The following YTHDC1 variants were observed in gnomAD, a reference collection of about 807,000 sequenced individuals.
The protein encoded by YTHDC1 is YTH N6-methyladenosine RNA binding protein C1.
Under a neutral mutation model 107.0 loss-of-function variants are expected in YTHDC1, and 12 were observed. The observed-to-expected ratio is 0.11, with a 90% CI of 0.07 to 0.18. The LOEUF is 0.18. YTHDC1 is among the 10% of genes least tolerant of loss of function. The pLI is 1.00. For synonymous variants in YTHDC1, 280 were observed against 289.5 expected, an observed-to-expected ratio of 0.97 and a Z score of 0.33; for missense variants, 635 against 898.8, an observed-to-expected ratio of 0.71 and a Z score of 3.75.
rs374470146 is a variant in YTHDC1 at position 68,337,845 on chromosome 4, A to C, written c.186T>G (p.Pro62=). ...AAACCAGTTGTCTAGAATGGACAGA[A>C]GGCTTTTGTCGTTTGGTATCAGTAG... The part of the protein sequence containing the change: ...MESTDTKRQK[P]SVHSRQLVSK... Residue 62 remains proline, a synonymous_variant, in exon 3 of 17, where the codon CCT becomes CCG. Transcript: ENST00000344157. The C allele has an allele frequency of 1.7e-5, 28 of 1,613,828 alleles. No homozygotes were observed. The highest frequency in any genetic ancestry group is 2.4e-5 in the Non-Finnish European group (28 of 1,180,018).
At chr4:68,333,663 G>A (rs1723835706) in intron 4 of YTHDC1, among the ~76,000 whole-genome samples, 1 of 152,052 alleles carries the variant, frequency 6.6e-6, no homozygotes, top group Non-Finnish European at 1.5e-5. Context: ...GCCATATATA[G>A]GTGGCCTTGA....
intron 7 of YTHDC1, 80 bp from the exon 8 acceptor site, chr4:68,330,390 A>G (rs981723169): frequency 1.0e-6 from 1 of 979,098 alleles, no homozygotes; most frequent in African/African-American, 1.6e-5. Context: ...AAAAAAAACT[A>G]CATATTTTGG....
At position 68,337,553 on chromosome 4, in the gene YTHDC1, C is replaced by T. The variant is rs1277481262; in HGVS notation, c.459+19G>A. The T allele has an allele frequency of 6.3e-7, 1 of 1,587,746 alleles. No homozygotes were observed. The highest frequency in any genetic ancestry group is 1.9e-5 in the Admixed American group (1 of 53,350). On this transcript the variant is annotated intron_variant, in intron 3 of 16. Coordinates refer to ENST00000344157, the MANE Select transcript of YTHDC1 (RefSeq NM_001031732.4). ...AAAAGAATGGCTTTCTGTTTTATAT[C>T]TGCAATAATATTTACTACCTCAGAA...
At chr4:68,323,056 C>A in intron 10 of YTHDC1, 141 bp from the exon 11 acceptor site, 1 of 705,920 alleles carries the variant, frequency 1.4e-6, no homozygotes, top group Non-Finnish European at 2.2e-6. Flanking sequence ...AATAAGACTT[C>A]CAGATTTATA....
At chr4:68,320,080 A>C (rs1332408339) in intron 12 of YTHDC1, 43 bp downstream of exon 12, 1 of 1,510,258 alleles carries the variant, frequency 6.6e-7, no homozygotes, top group African/African-American at 1.4e-5. Flanking sequence ...ATTTTTTTCC[A>C]ATAATTTGAA....
Position 68,349,811 on chromosome 4 carries a change from C to G in YTHDC1, c.-58G>C. 1 of 1,609,956 alleles carries G rather than the reference C, an allele frequency of 6.2e-7. No homozygotes were observed. On this transcript the variant is annotated 5_prime_UTR_variant, in exon 1 of 17. Transcript: ENST00000344157. ...CGCCGCCGCTTAGACGCGACTCGCG[C>G]GGGCGCCGCAGCCGCGGCAGAAGCA... is the stretch of plus-strand genomic sequence containing the variant.
intron 9 of YTHDC1, among the ~76,000 whole-genome samples, chr4:68,329,456 T>C (rs895065435): frequency 1.3e-5 from 2 of 152,222 alleles, no homozygotes; most frequent in African/African-American, 4.8e-5. Flanking sequence ...CATTTGTGTA[T>C]GCCACGTAAA....
intron 1 of YTHDC1, among the ~76,000 whole-genome samples, chr4:68,342,726 AC>A (rs1310090477): frequency 6.6e-6 from 1 of 152,202 alleles, no homozygotes; most frequent in Non-Finnish European, 1.5e-5. Context: ...CACTTTGCAT[AC>A]ATTTTAATTC....
Position 68,319,303 on chromosome 4 carries a change from A to G in YTHDC1, c.1685-441T>C, listed in dbSNP as rs576111125. ...AAATGTAAACTTAAGGGGGAGGGGGAAAAAATTGCAAAAGTTGCAAAAATG... is the reference window on the plus strand; with the variant it reads ...AAATGTAAACTTAAGGGGGAGGGGGGAAAAATTGCAAAAGTTGCAAAAATG... On this transcript the variant is annotated intron_variant, in intron 12 of 16. Coordinates refer to ENST00000344157, the MANE Select transcript of YTHDC1 (RefSeq NM_001031732.4). Among the ~76,000 whole-genome samples, 408 of 152,258 alleles carry G rather than the reference A, an allele frequency of 2.7e-3. 2 individuals are homozygous for G. The highest frequency in any genetic ancestry group is 9.2e-3 in the African/African-American group (383 of 41,560).
rs114975517 is a variant in YTHDC1, at chr4:68,317,665, T to C, written c.1824+854A>G. 3.1e-3 allele frequency among the ~76,000 whole-genome samples: 473 copies of C among 152,268 alleles called. 2 individuals carry two copies. Among genetic ancestry groups the C allele is most frequent in the African/African-American group, 0.011 (449 of 41,544 alleles). Reference sequence around the variant, plus strand: ...TATTTTACACAGAAAATTTAGTGAGTATTAGATCAGGCACTATGCTAAACT... The same window carrying C: ...TATTTTACACAGAAAATTTAGTGAGCATTAGATCAGGCACTATGCTAAACT... On this transcript the variant is annotated intron_variant, in intron 15 of 16. Coordinates refer to ENST00000344157, the MANE Select transcript of YTHDC1 (RefSeq NM_001031732.4).
Position 68,314,240 on chromosome 4 carries a change from T to C in YTHDC1, c.2043A>G (p.Arg681=). 1 of 1,614,074 alleles carries C rather than the reference T, an allele frequency of 6.2e-7. No individual in the cohort carries two copies. Among genetic ancestry groups the C allele is most frequent in the Admixed American group, 1.7e-5 (1 of 59,996 alleles). The change falls in exon 17 of 17, where the codon AGA becomes AGG. Residue 681 remains arginine (R), a synonymous_variant. Transcript: ENST00000344157. ...GGCGGTCTCGCTCTCGTTCCCGGTCTCTTTCACGGGGTCTACTTCTCCGGC... is the reference window on the plus strand; with the variant it reads ...GGCGGTCTCGCTCTCGTTCCCGGTCCCTTTCACGGGGTCTACTTCTCCGGC... ...VSGRRSRPRE[R]DRERERDRPR... is the part of the protein sequence containing the mutation.
chr4:68,337,414 A>T lies in YTHDC1; in HGVS notation c.496T>A (p.Ser166Thr), dbSNP rs1414696010. ...GLEVDRRASR[S>T]SQSSKEEVNS... ...ACTTCTTCCTTAGAAGACTGGCTGG[A>T]TCTGCTTGCACGTCTATCCACTTCA... Residue 166 changes from serine (S) to threonine (T), a missense_variant, in exon 4 of 17, where the codon TCC becomes ACC. Ser to Thr is a moderately conservative substitution (Grantham distance 58). Transcript: ENST00000344157. 6.2e-7 allele frequency: 1 copy of T among 1,614,024 alleles called. No homozygotes were observed. The highest frequency in any genetic ancestry group is 8.5e-7 in the Non-Finnish European group (1 of 1,180,022).
chr4:68,321,167 A>C (rs530116671), intron 11 of YTHDC1, among the ~76,000 whole-genome samples: 2 of 152,330 alleles, frequency 1.3e-5, no homozygotes, highest in Non-Finnish European at 2.9e-5. Flanking sequence ...TTAATGTCAA[A>C]TAAAAACTTG....
chr4:68,318,374 C>T (rs571529501), intron 15 of YTHDC1, 145 bp downstream of exon 15: 19 of 736,912 alleles, frequency 2.6e-5, no homozygotes, highest in Middle Eastern at 4.0e-4. Flanking sequence ...TCCCAAAGTG[C>T]TGGGACTGCA....
At position 68,312,927 on chromosome 4, in the gene YTHDC1, C is replaced by G. The variant is rs532521271; in HGVS notation, c.*1172G>C. 5 of 152,266 alleles carry G rather than the reference C, an allele frequency of 3.3e-5. No individual in the cohort carries two copies. Among genetic ancestry groups the G allele is most frequent in the African/African-American group, 1.2e-4 (5 of 41,554 alleles). 9.4% of individuals were successfully genotyped at this position (152,266 alleles called of 1,614,324 possible). On this transcript the variant is annotated 3_prime_UTR_variant, in exon 17 of 17. Coordinates refer to ENST00000344157, the MANE Select transcript of YTHDC1 (RefSeq NM_001031732.4). Reference sequence around the variant, plus strand: ...TTATAGTTGGTTACCACTGGGAGAACTGGACAGTTAACTTAAAATACAGAA... The same window carrying G: ...TTATAGTTGGTTACCACTGGGAGAAGTGGACAGTTAACTTAAAATACAGAA...
At chr4:68,349,555 C>T (rs1236869617) in intron 1 of YTHDC1, among the ~76,000 whole-genome samples, 171 bp downstream of exon 1, 1 of 151,944 alleles carries the variant, frequency 6.6e-6, no homozygotes, top group African/African-American at 2.4e-5. Flanking sequence ...GACGAAAGGG[C>T]AGGCCTGGTC....
Position 68,337,208 on chromosome 4 carries a change from T to TTCC in YTHDC1, c.699_701dup (p.Glu249dup), listed in dbSNP as rs566379464. On this transcript the variant is annotated inframe_insertion, in exon 4 of 17. Coordinates refer to ENST00000344157, the MANE Select transcript of YTHDC1 (RefSeq NM_001031732.4). ...CCTCCTCCTCTTCCTCCTCCTCCTC[T>TTCC]TCCTCCTCCTCCTCTCCATCTTCAT... 1.8e-5 allele frequency: 28 copies of TTCC among 1,589,486 alleles called. No homozygotes were observed. Among genetic ancestry groups the TTCC allele is most frequent in the Admixed American group, 6.7e-5 (4 of 59,596 alleles).
chr4:68,330,114 C>A lies in YTHDC1; in HGVS notation c.1237G>T (p.Ala413Ser). The stretch of plus-strand genomic sequence containing the variant: ...TGATGTGATTCTGAAGAAAGTCTTG[C>A]AAACCCTAAGAGAATCATATCATAA... ...VRESGKFQGF[A>S]RLSSESHHGG... The change falls in exon 9 of 17, where the codon GCA becomes TCA. Residue 413 changes from alanine (A) to serine (S), a missense_variant. Ala to Ser is a moderately conservative substitution (Grantham distance 99). This residue lies in a region of YTHDC1 where 60 missense variants were observed against 172.0 expected (regional missense o/e 0.35). Coordinates refer to ENST00000344157, the MANE Select transcript of YTHDC1 (RefSeq NM_001031732.4). The A allele has an allele frequency of 6.2e-7, 1 of 1,612,316 alleles. No homozygotes were observed.
At position 68,311,941 on chromosome 4, in the gene YTHDC1, G is replaced by GT. The variant is rs1201638133; in HGVS notation, c.*2157dup. The GT allele has an allele frequency of 6.6e-6, 1 of 152,126 alleles. No individual in the cohort carries two copies. Among genetic ancestry groups the GT allele is most frequent in the Non-Finnish European group, 1.5e-5 (1 of 68,042 alleles). 9.4% of individuals were successfully genotyped at this position (152,126 alleles called of 1,614,324 possible). A position where few individuals can be genotyped will look rare whatever the true frequency, so the allele number is the denominator to read the frequency against. ...GGCAGGTGAGGTCACTTGAGGTCGAGTTTGAGACCAGCCTGGCCAACATGT... is the reference window on the plus strand; with the variant it reads ...GGCAGGTGAGGTCACTTGAGGTCGAGTTTTGAGACCAGCCTGGCCAACATGT... On this transcript the variant is annotated 3_prime_UTR_variant, in exon 17 of 17. Transcript: ENST00000344157.
Sources: allele counts gnomAD v4.1 joint callset (sites outside exome capture counted in the v4.1 genomes callset), GRCh38; gene constraint gnomAD v4.1.1; regional missense constraint gnomAD v4.1.1; transcripts MANE v1.5; gene names NCBI Gene and HGNC (gene_info 2026-07-23, HGNC 2026-07-21).